The following WNT3A variants were observed in gnomAD, a reference collection of about 807,000 sequenced individuals.
The protein encoded by WNT3A is protein Wnt-3a.
In WNT3A, 17 loss-of-function variants were observed where a neutral mutation model predicts 37.0. That is an observed-to-expected ratio of 0.46 (90% CI 0.31 to 0.69). The LOEUF is 0.69. Ranked by LOEUF, WNT3A falls within the 30% of genes least tolerant of loss-of-function variation. WNT3A has a pLI of 0.05. For missense variants in WNT3A, 411 were observed against 510.2 expected, an observed-to-expected ratio of 0.81 and a Z score of 1.87; for synonymous variants, 187 against 211.0, an observed-to-expected ratio of 0.89 and a Z score of 0.99.
intron 2 of WNT3A, among the ~76,000 whole-genome samples, chr1:228,028,240 G>A (rs1442315029): frequency 6.8e-6 from 1 of 147,948 alleles, no homozygotes; most frequent in South Asian, 2.2e-4. Flanking sequence ...AGTATAATTT[G>A]TTTTTGCTTA....
At chr1:228,011,851 C>T (rs898280554) in intron 1 of WNT3A, among the ~76,000 whole-genome samples, 12 of 152,198 alleles carry the variant, frequency 7.9e-5, no homozygotes, top group African/African-American at 2.4e-4. Flanking sequence ...CTGAGGGTGA[C>T]GGTCAGGAGT....
chr1:228,025,621 T>C (rs2030835063), intron 2 of WNT3A, among the ~76,000 whole-genome samples: 1 of 152,240 alleles, frequency 6.6e-6, no homozygotes, highest in South Asian at 2.1e-4. Flanking sequence ...AGTGTTGGGA[T>C]TACAGGGCAT....
intron 2 of WNT3A, among the ~76,000 whole-genome samples, chr1:228,026,272 T>A (rs1227178222): frequency 1.3e-5 from 2 of 152,168 alleles, no homozygotes; most frequent in Admixed American, 1.3e-4. Context: ...GCCTCCTTTC[T>A]TCCTATTTGA....
At chr1:228,058,457 C>T (rs1412741079) in intron 3 of WNT3A, among the ~76,000 whole-genome samples, 2 of 152,224 alleles carry the variant, frequency 1.3e-5, no homozygotes, top group Admixed American at 1.3e-4. Flanking sequence ...AGGTCCTGCC[C>T]GGTCCCCCAA....
intron 2 of WNT3A, among the ~76,000 whole-genome samples, chr1:228,036,373 G>T (rs559612615): frequency 1.9e-4 from 29 of 149,684 alleles, no homozygotes; most frequent in African/African-American, 7.0e-4. Context: ...GTGTATGCAT[G>T]TGCATGTGTG....
At chr1:228,022,998 C>T (rs780260905) in intron 2 of WNT3A, 90 bp downstream of exon 2, 286 of 1,520,558 alleles carry the variant, frequency 1.9e-4, no homozygotes, top group Non-Finnish European at 4.1e-5. Flanking sequence ...TCTGTGCACA[C>T]GGTGGGAACA....
intron 1 of WNT3A, among the ~76,000 whole-genome samples, chr1:228,014,875 G>A (rs941308918): frequency 6.6e-6 from 1 of 152,252 alleles, no homozygotes; most frequent in African/African-American, 2.4e-5. Flanking sequence ...CTTGTGGGCT[G>A]GAGGCATGGC....
rs992064069 is a variant in WNT3A, at chr1:228,037,636, C to G, written c.314-13020C>G. On this transcript the variant is annotated intron_variant, in intron 2 of 3. Coordinates refer to ENST00000284523, the MANE Select transcript of WNT3A (RefSeq NM_033131.4). The surrounding 1 kb of genome is among the most constrained non-coding windows in gnomAD (Gnocchi z 4.1). ...AGCCAGGTTGCGACCCCTGACCCCC[C>G]CCATCGGAAAGTGTTGCCGTTTAAG... Among the ~76,000 whole-genome samples, 3 of 152,192 alleles carry G rather than the reference C, an allele frequency of 2.0e-5. No homozygotes were observed. Among genetic ancestry groups the G allele is most frequent in the Admixed American group, 6.5e-5 (1 of 15,292 alleles).
At position 228,031,718 on chromosome 1, in the gene WNT3A, A is replaced by G. The variant is rs1040344753; in HGVS notation, c.313+8810A>G. Among the ~76,000 whole-genome samples, 19 of 152,214 alleles carry G rather than the reference A, an allele frequency of 1.2e-4. No individual in the cohort carries two copies. Among genetic ancestry groups the G allele is most frequent in the African/African-American group, 4.6e-4 (19 of 41,508 alleles). On this transcript the variant is annotated intron_variant, in intron 2 of 3. Coordinates refer to ENST00000284523, the MANE Select transcript of WNT3A (RefSeq NM_033131.4). This position sits in a 1 kb window ranked among gnomAD's most constrained non-coding sequence, Gnocchi z 4.8. Reference sequence around the variant, plus strand: ...CCGTGTGCATGTGGCTGTGGCATGCATGTGCATGCCTATGTGTGCATGTGA... The same window carrying G: ...CCGTGTGCATGTGGCTGTGGCATGCGTGTGCATGCCTATGTGTGCATGTGA...
intron 1 of WNT3A, among the ~76,000 whole-genome samples, chr1:228,015,612 C>A (rs866623669): frequency 2.0e-5 from 3 of 152,196 alleles, no homozygotes; most frequent in African/African-American, 7.2e-5. Context: ...GTTCCCACCA[C>A]CCTGAGGCAG....
At position 228,031,563 on chromosome 1, in the gene WNT3A, C is replaced by A. The variant is rs1341996645; in HGVS notation, c.313+8655C>A. Among the ~76,000 whole-genome samples the A allele has an allele frequency of 6.6e-6, 1 of 151,904 alleles. No individual in the cohort carries two copies. The highest frequency in any genetic ancestry group is 1.5e-5 in the Non-Finnish European group (1 of 67,970). On this transcript the variant is annotated intron_variant, in intron 2 of 3. Coordinates refer to ENST00000284523, the MANE Select transcript of WNT3A (RefSeq NM_033131.4). This position sits in a 1 kb window ranked among gnomAD's most constrained non-coding sequence, Gnocchi z 4.8. ...AATGTGGTGTGATGTGTCATGTGTG[C>A]ACATGCATGTGGTGTGTGGGGTGTG...
chr1:228,059,252 G>A lies in WNT3A; in HGVS notation c.846G>A (p.Glu282=). 6.2e-7 allele frequency: 1 copy of A among 1,608,010 alleles called. No individual in the cohort carries two copies. Among genetic ancestry groups the A allele is most frequent in the Middle Eastern group, 1.7e-4 (1 of 6,032 alleles). Residue 282 remains glutamate (E), a synonymous_variant, in exon 4 of 4, where the codon GAG becomes GAA. Transcript: ENST00000284523. ...ACGAGGCCTCGCCCAACTTCTGCGA[G>A]CCCAACCCTGAGACGGGCTCCTTCG... The part of the protein sequence containing the change: ...VYYEASPNFC[E]PNPETGSFGT...
At chr1:228,018,136 C>T (rs1318254563) in intron 1 of WNT3A, among the ~76,000 whole-genome samples, 4 of 152,154 alleles carry the variant, frequency 2.6e-5, no homozygotes, top group African/African-American at 7.2e-5. Flanking sequence ...TGGGGACACT[C>T]GATCTCGAAG....
At chr1:228,044,665 T>C (rs2031360724) in intron 2 of WNT3A, among the ~76,000 whole-genome samples, 1 of 152,244 alleles carries the variant, frequency 6.6e-6, no homozygotes, top group Non-Finnish European at 1.5e-5. Flanking sequence ...CAAGGTTAAC[T>C]CAGTCCCCAG....
intron 2 of WNT3A, among the ~76,000 whole-genome samples, chr1:228,032,600 C>T (rs1370305486): frequency 1.3e-5 from 2 of 152,200 alleles, no homozygotes; most frequent in African/African-American, 2.4e-5. Context: ...CATTCACTCA[C>T]TGATAGGCAT....
chr1:228,027,690 T>G (rs2030886335), intron 2 of WNT3A, among the ~76,000 whole-genome samples: 1 of 152,262 alleles, frequency 6.6e-6, no homozygotes, highest in African/African-American at 2.4e-5. Context: ...GTCAAATGTA[T>G]GCTTTGTGAA....
rs1434742456 is a variant in WNT3A, at chr1:228,037,296, G to T, written c.314-13360G>T. ...AGGGTATCCCCACTCAAAGCACACG[G>T]CCAGATTCCTGGTTGGTGCCCCAGG... On this transcript the variant is annotated intron_variant, in intron 2 of 3. Transcript: ENST00000284523. The surrounding 1 kb of genome is among the most constrained non-coding windows in gnomAD (Gnocchi z 4.1). 6.6e-6 allele frequency among the ~76,000 whole-genome samples: 1 copy of T among 152,104 alleles called. No homozygotes were observed. The highest frequency in any genetic ancestry group is 2.4e-5 in the African/African-American group (1 of 41,410).
chr1:228,034,748 C>T (rs1179281125), intron 2 of WNT3A, among the ~76,000 whole-genome samples: 1 of 152,172 alleles, frequency 6.6e-6, no homozygotes, highest in Non-Finnish European at 1.5e-5. Flanking sequence ...AAAATCCTAT[C>T]AGCCCATGAC....
In WNT3A at chr1:228,060,278, C is replaced by T; in HGVS notation, c.*813C>T. The stretch of plus-strand genomic sequence containing the variant: ...ACCCCCTGTAAGGTTCCATCCACCC[C>T]TGCGTCGAGCTGGGAAGGTTCCATG... On this transcript the variant is annotated 3_prime_UTR_variant, in exon 4 of 4. Coordinates refer to ENST00000284523, the MANE Select transcript of WNT3A (RefSeq NM_033131.4). 7.4e-7 allele frequency: 1 copy of T among 1,351,680 alleles called. No individual in the cohort carries two copies. The allele number at this position is 1,351,680 out of a possible 1,614,324, so 83.7% of individuals were successfully genotyped here. A position where few individuals can be genotyped will look rare whatever the true frequency, so the allele number is the denominator to read the frequency against.
Sources: gnomAD v4.1 joint callset for allele counts (sites outside exome capture counted in the v4.1 genomes callset) on GRCh38, gnomAD v4.1.1 for gene constraint, Gnocchi (gnomAD v3.1) non-coding constraint, MANE v1.5 for transcripts, NCBI Gene and HGNC (gene_info 2026-07-23, HGNC 2026-07-21) for gene names.